The following ERBB4 variants were observed in gnomAD, a reference collection of about 807,000 sequenced individuals.
ERBB4 encodes erb-b2 receptor tyrosine kinase 4, also known as receptor tyrosine-protein kinase erbB-4.
A neutral mutation model predicts 158.0 loss-of-function variants in ERBB4; 42 were observed. The ratio of observed to expected loss-of-function variants is 0.27; its 90% CI spans 0.21 to 0.34. The LOEUF (loss-of-function observed/expected upper bound fraction) is 0.34. ERBB4 is among the 10% of genes least tolerant of loss of function. The pLI is 1.00. For synonymous variants in ERBB4, 583 were observed against 558.7 expected, an observed-to-expected ratio of 1.04 and a Z score of -0.61; for missense variants, 1,333 against 1,624.1, an observed-to-expected ratio of 0.82 and a Z score of 3.08.
chr2:212,002,546 T>C (rs2076130689), intron 2 of ERBB4, among the ~76,000 whole-genome samples: 1 of 151,840 alleles, frequency 6.6e-6, no homozygotes, highest in Non-Finnish European at 1.5e-5. Flanking sequence ...AAAAATAAAA[T>C]AAACAGGTAA....
intron 2 of ERBB4, among the ~76,000 whole-genome samples, chr2:211,973,810 A>G (rs2081527977): frequency 6.6e-6 from 1 of 152,226 alleles, no homozygotes; most frequent in South Asian, 2.1e-4. Context: ...TATGCACAAT[A>G]GCAAAGACAT....
At chr2:212,130,804 T>G (rs1007041009) in intron 1 of ERBB4, among the ~76,000 whole-genome samples, 3 of 152,106 alleles carry the variant, frequency 2.0e-5, no homozygotes, top group Non-Finnish European at 1.5e-5. Flanking sequence ...GCTTGTATAG[T>G]TTTACAAGGC....
chr2:211,841,859 G>A (rs2077477434), intron 3 of ERBB4, among the ~76,000 whole-genome samples: 3 of 152,018 alleles, frequency 2.0e-5, no homozygotes, highest in African/African-American at 7.2e-5. Context: ...TGCACAGTGG[G>A]AACTTGTAGC....
intron 1 of ERBB4, among the ~76,000 whole-genome samples, chr2:212,136,122 C>A (rs113499172): frequency 6.6e-6 from 1 of 152,122 alleles, no homozygotes; most frequent in East Asian, 1.9e-4. Flanking sequence ...GTAATTAAAG[C>A]GGCAGTGTGT....
intron 2 of ERBB4, among the ~76,000 whole-genome samples, chr2:212,003,215 A>AAGACGGAC (rs1559294215): frequency 2.1e-5 from 1 of 47,270 alleles, no homozygotes; most frequent in Admixed American, 2.5e-4. Flanking sequence ...GACAGAAAGA[A>AAGACGGAC]GGAAGGAAGG....
intron 1 of ERBB4, among the ~76,000 whole-genome samples, chr2:212,330,071 C>T (rs2088059669): frequency 6.6e-6 from 1 of 152,002 alleles, no homozygotes; most frequent in Non-Finnish European, 1.5e-5. Context: ...AGAAAACAAA[C>T]TGAAAGACAA....
At chr2:211,836,206 C>T (rs964496957) in intron 3 of ERBB4, among the ~76,000 whole-genome samples, 1 of 151,882 alleles carries the variant, frequency 6.6e-6, no homozygotes, top group Non-Finnish European at 1.5e-5. Context: ...TGGGAGTCCC[C>T]AACATTAGCC....
intron 19 of ERBB4, among the ~76,000 whole-genome samples, chr2:211,577,813 A>G (rs2067937131): frequency 1.3e-5 from 2 of 152,202 alleles, no homozygotes; most frequent in South Asian, 4.1e-4. Context: ...AACATATCTC[A>G]AAATAATAAG....
chr2:212,243,937 AG>A (rs1190849347), intron 1 of ERBB4, among the ~76,000 whole-genome samples: 4 of 152,170 alleles, frequency 2.6e-5, no homozygotes, highest in Non-Finnish European at 5.9e-5. Context: ...TAGTTGTATG[AG>A]GAAAGGTGTA....
chr2:211,516,726 GCAGT>G (rs2066044758), intron 20 of ERBB4, among the ~76,000 whole-genome samples: 1 of 152,116 alleles, frequency 6.6e-6, no homozygotes. Flanking sequence ...TTCTCACGCT[GCAGT>G]CAGAGTGTAT....
At chr2:211,612,149 A>G (rs2069224208) in intron 19 of ERBB4, among the ~76,000 whole-genome samples, 1 of 152,156 alleles carries the variant, frequency 6.6e-6, no homozygotes, top group African/African-American at 2.4e-5. Flanking sequence ...CTAAATAAAG[A>G]TAGAACAATT....
At chr2:211,755,403 G>A (rs1299183222) in intron 4 of ERBB4, among the ~76,000 whole-genome samples, 1 of 152,204 alleles carries the variant, frequency 6.6e-6, no homozygotes, top group African/African-American at 2.4e-5. Flanking sequence ...TCTGGAGGTT[G>A]AGGTGGGAGG....
Position 211,915,435 on chromosome 2 carries a change from T to TTATATATATA in ERBB4, c.421+31994_421+31995insTATATATATA, listed in dbSNP as rs1289522405. ...AAGGCAAACTAACAGAGTTCAAACA[T>TTATATATATA]TACATATATATATATATATATCTCC... On this transcript the variant is annotated intron_variant, in intron 3 of 27. Coordinates refer to ENST00000342788, the MANE Select transcript of ERBB4 (RefSeq NM_005235.3). Among the ~76,000 whole-genome samples, 1,135 of 135,486 alleles carry TTATATATATA rather than the reference T, an allele frequency of 8.4e-3. 11 individuals are homozygous for TTATATATATA. The highest frequency in any genetic ancestry group is 0.022 in the African/African-American group (658 of 30,476). The allele number at this position is 135,486 out of a possible 152,430, so 88.9% of individuals were successfully genotyped here.
rs1395505436 is a variant in ERBB4, at chr2:212,519,007, G to C, written c.82+19442C>G. Among the ~76,000 whole-genome samples the C allele has an allele frequency of 4.6e-5, 7 of 151,922 alleles. No homozygotes were observed. In the East Asian group the frequency reaches 1.3e-3, roughly 29 times the overall value. On this transcript the variant is annotated intron_variant, in intron 1 of 27. Coordinates refer to ENST00000342788, the MANE Select transcript of ERBB4 (RefSeq NM_005235.3). Reference sequence around the variant, plus strand: ...CATCTCCCCTGAAAAAATGTTATATGGGACTATTACTAATGCCATCCTGTG... The same window carrying C: ...CATCTCCCCTGAAAAAATGTTATATCGGACTATTACTAATGCCATCCTGTG...
chr2:211,427,662 G>A (rs944118942), intron 22 of ERBB4, among the ~76,000 whole-genome samples: 11 of 151,952 alleles, frequency 7.2e-5, no homozygotes, highest in African/African-American at 2.7e-4. Context: ...TCTTTGTTAT[G>A]ACAATAATCT....
chr2:211,950,294 C>T (rs930132802), intron 2 of ERBB4, among the ~76,000 whole-genome samples: 7 of 152,082 alleles, frequency 4.6e-5, no homozygotes, highest in African/African-American at 1.7e-4. Context: ...CTGTACAGAT[C>T]CTGGACATGT....
intron 2 of ERBB4, among the ~76,000 whole-genome samples, chr2:212,048,705 C>A (rs2077321640): frequency 6.6e-6 from 1 of 152,044 alleles, no homozygotes; most frequent in Non-Finnish European, 1.5e-5. Flanking sequence ...GTGAAGGTGT[C>A]ACGTAGTTAG....
At chr2:211,524,168 A>T (rs1244435965) in intron 20 of ERBB4, among the ~76,000 whole-genome samples, 1 of 152,006 alleles carries the variant, frequency 6.6e-6, no homozygotes, top group Non-Finnish European at 1.5e-5. Flanking sequence ...CTAAGGCCCC[A>T]CCACAGTAGC....
chr2:211,959,622 T>C (rs1559190527), intron 2 of ERBB4, among the ~76,000 whole-genome samples: 2 of 152,120 alleles, frequency 1.3e-5, no homozygotes, highest in African/African-American at 4.8e-5. Context: ...GTTTCCCCTC[T>C]ATAGGAATTT....
Sources: allele counts gnomAD v4.1 joint callset (sites outside exome capture counted in the v4.1 genomes callset), GRCh38; gene constraint gnomAD v4.1.1; transcripts MANE v1.5; gene names NCBI Gene and HGNC (gene_info 2026-07-23, HGNC 2026-07-21).